The following SSC5D variants were observed in gnomAD, a reference collection of about 807,000 sequenced individuals.
The protein encoded by SSC5D is soluble scavenger receptor cysteine-rich domain-containing protein SSC5D.
Under a neutral mutation model 104.6 loss-of-function variants are expected in SSC5D, and 106 were observed. The ratio of observed to expected loss-of-function variants is 1.01; its 90% confidence interval spans 0.87 to 1.19. The LOEUF (loss-of-function observed/expected upper bound fraction) is 1.19. SSC5D is among the 50% of genes most tolerant of loss of function. The pLI is 0.00. For missense variants in SSC5D, 1,993 were observed against 2,153.8 expected, an observed-to-expected ratio of 0.93 and a Z score of 1.48; for synonymous variants, 860 against 883.5, an observed-to-expected ratio of 0.97 and a Z score of 0.47.
Position 55,517,350 on chromosome 19 carries a change from A to G in SSC5D, c.3074A>G (p.Asp1025Gly). The change falls in exon 14 of 14, where the codon GAC (aspartate) becomes GGC (glycine). Residue 1025 changes from aspartate to glycine, a missense_variant. By Grantham distance (94) the Asp-to-Gly change is moderately conservative. Transcript: ENST00000389623. The part of the protein sequence containing the change: ...PGPPGPALTS[D>G]SSRELTPHSA... ...CCCCCAGGCCCAGCGCTGACCTCTG[A>G]CTCCAGTCGAGAGCTCACTCCCCAC... 3.2e-6 allele frequency: 5 copies of G among 1,550,072 alleles called. No individual in the cohort carries two copies. Among genetic ancestry groups the G allele is most frequent in the Non-Finnish European group, 4.4e-6 (5 of 1,146,834 alleles).
chr19:55,499,417 C>T (rs1483432670), intron 9 of SSC5D, among the ~76,000 whole-genome samples: 1 of 152,136 alleles, frequency 6.6e-6, no homozygotes, highest in Non-Finnish European at 1.5e-5. Flanking sequence ...TCGGGAGTGG[C>T]CTGTCGGACC....
chr19:55,518,977 AC>A lies in SSC5D; in HGVS notation c.4705del (p.Leu1569Ter). On this transcript the variant is annotated frameshift_variant, in exon 14 of 14. Coordinates refer to ENST00000389623, the MANE Select transcript of SSC5D (RefSeq NM_001144950.2). LOFTEE classifies it high-confidence loss of function. ...TTTTPEEEER[P>X]LRGDV ...CCACTACCCCAGAGGAAGAAGAAAGACCCCTGAGGGGAGACGTGTGACCCTC... is the reference window on the plus strand; with the variant it reads ...CCACTACCCCAGAGGAAGAAGAAAGACCCTGAGGGGAGACGTGTGACCCTC... The A allele has an allele frequency of 6.5e-7, 1 of 1,549,934 alleles. No homozygotes were observed. The highest frequency in any genetic ancestry group is 8.7e-7 in the Non-Finnish European group (1 of 1,146,836).
At chr19:55,512,658 T>C (rs938439085) in intron 12 of SSC5D, among the ~76,000 whole-genome samples, 3 of 152,032 alleles carry the variant, frequency 2.0e-5, no homozygotes, top group Admixed American at 1.3e-4. Context: ...ATTTTTTGTA[T>C]ATTTAGTGCA....
intron 7 of SSC5D, 126 bp downstream of exon 7, chr19:55,494,038 C>G: frequency 1.1e-6 from 1 of 917,172 alleles, no homozygotes; most frequent in South Asian, 1.7e-5. Context: ...TTTCCACTCC[C>G]CCATCTTATT....
Position 55,488,453 on chromosome 19 carries a change from C to T in SSC5D, c.-137C>T. On this transcript the variant is annotated 5_prime_UTR_variant, in exon 1 of 14. Transcript: ENST00000389623. ...TCTTTCTTCCTCCTGGCAAAGCGTC[C>T]AGCCCTGCCTGCTCCTCCTCGGGCC... is the stretch of plus-strand genomic sequence containing the variant. The T allele has an allele frequency of 1.7e-6, 1 of 598,580 alleles. No individual in the cohort carries two copies. Among genetic ancestry groups the T allele is most frequent in the Non-Finnish European group, 2.9e-6 (1 of 348,706 alleles). The allele number at this position is 598,580 out of a possible 1,614,324, so 37.1% of individuals were successfully genotyped here. A position where few individuals can be genotyped will look rare whatever the true frequency, so the allele number is the denominator to read the frequency against.
In SSC5D at chr19:55,500,949, A is replaced by G; in HGVS notation, c.2618-85A>G. On this transcript the variant is annotated intron_variant, in intron 11 of 13. Coordinates refer to ENST00000389623, the MANE Select transcript of SSC5D (RefSeq NM_001144950.2). This position sits in a 1 kb window ranked among gnomAD's most constrained non-coding sequence, Gnocchi z 4.6. ...TGGGGAGATCCCAGAGTTGCTCCAG[A>G]AGATTCCAAAAGGGGAGGGAAGAGC... is the stretch of plus-strand genomic sequence containing the variant. 6.5e-7 allele frequency: 1 copy of G among 1,534,240 alleles called. No individual in the cohort carries two copies. The highest frequency in any genetic ancestry group is 8.8e-7 in the Non-Finnish European group (1 of 1,135,328).
chr19:55,512,811 T>G (rs774434227), intron 12 of SSC5D, among the ~76,000 whole-genome samples, 200 bp from the exon 13 acceptor site: 1 of 152,118 alleles, frequency 6.6e-6, no homozygotes, highest in Non-Finnish European at 1.5e-5. Flanking sequence ...TGTGCTAGTT[T>G]AGTGACCGTT....
At chr19:55,496,405 T>C (rs1380468798) in intron 8 of SSC5D, among the ~76,000 whole-genome samples, 1 of 152,196 alleles carries the variant, frequency 6.6e-6, no homozygotes, top group Non-Finnish European at 1.5e-5. Flanking sequence ...CTCCTCAAGA[T>C]GGGAAAAGGC....
intron 12 of SSC5D, among the ~76,000 whole-genome samples, chr19:55,507,328 A>G: frequency 7.3e-6 from 1 of 136,552 alleles, no homozygotes; most frequent in Non-Finnish European, 1.6e-5. Flanking sequence ...TGGATGAGTG[A>G]GACCCCGTCT....
At chr19:55,515,168 C>A (rs1488170404) in intron 13 of SSC5D, among the ~76,000 whole-genome samples, 3 of 151,606 alleles carry the variant, frequency 2.0e-5, no homozygotes, top group Non-Finnish European at 4.4e-5. Context: ...CTGAGGCAGG[C>A]AGATCACCTG....
rs1370079732 is a variant in SSC5D at position 55,489,508 on chromosome 19, C to T, written c.207C>T (p.Ala69=). 1 of 1,467,684 alleles carries T rather than the reference C, an allele frequency of 6.8e-7. No individual in the cohort carries two copies. The highest frequency in any genetic ancestry group is 2.5e-5 in the East Asian group (1 of 39,508). 90.9% of individuals were successfully genotyped at this position (1,467,684 alleles called of 1,614,324 possible). The change falls in exon 3 of 14, where the codon GCC becomes GCT. Residue 69 remains alanine (A), a synonymous_variant. Transcript: ENST00000389623. The part of the protein sequence containing the change: ...RQLGCGGALA[A]PGGAFFGEGA... ...TGGGCTGCGGAGGGGCACTGGCCGC[C>T]CCGGGAGGCGCCTTCTTCGGGGAGG...
chr19:55,488,487 T>G lies in SSC5D; in HGVS notation c.-103T>G. ...CTGCTCCTCCTCGGGCCTGGGCGCC[T>G]CCAGCAGGCACTTCCCTCCCTCCCT... On this transcript the variant is annotated 5_prime_UTR_variant, in exon 1 of 14. Transcript: ENST00000389623. 1 of 1,090,442 alleles carries G rather than the reference T, an allele frequency of 9.2e-7. No individual in the cohort carries two copies. Among genetic ancestry groups the G allele is most frequent in the Middle Eastern group, 2.2e-4 (1 of 4,546 alleles). 67.5% of individuals were successfully genotyped at this position (1,090,442 alleles called of 1,614,324 possible).
intron 8 of SSC5D, among the ~76,000 whole-genome samples, chr19:55,496,517 A>C (rs573069213): frequency 4.6e-5 from 7 of 152,152 alleles, no homozygotes; most frequent in African/African-American, 1.4e-4. Context: ...ACGAGCATGC[A>C]CTGGCTCCTG....
chr19:55,511,073 C>T (rs1163564079), intron 12 of SSC5D, among the ~76,000 whole-genome samples: 1 of 152,148 alleles, frequency 6.6e-6, no homozygotes, highest in Non-Finnish European at 1.5e-5. Context: ...GCCACCACAC[C>T]CGGCCATTAC....
rs1987015892 is a variant in SSC5D, at chr19:55,488,495, G to T, written c.-95G>T. On this transcript the variant is annotated 5_prime_UTR_variant, in exon 1 of 14. Transcript: ENST00000389623. Reference sequence around the variant, plus strand: ...CCTCGGGCCTGGGCGCCTCCAGCAGGCACTTCCCTCCCTCCCTCTCTCCCC... The same window carrying T: ...CCTCGGGCCTGGGCGCCTCCAGCAGTCACTTCCCTCCCTCCCTCTCTCCCC... The T allele has an allele frequency of 1.4e-5, 16 of 1,176,034 alleles. No homozygotes were observed. Among genetic ancestry groups the T allele is most frequent in the Non-Finnish European group, 2.0e-5 (16 of 817,798 alleles). 72.8% of individuals were successfully genotyped at this position (1,176,034 alleles called of 1,614,324 possible).
chr19:55,508,018 A>G (rs934930383), intron 12 of SSC5D, among the ~76,000 whole-genome samples: 3 of 151,992 alleles, frequency 2.0e-5, no homozygotes, highest in Non-Finnish European at 2.9e-5. Flanking sequence ...CAGTGAGGAG[A>G]GGGAGGCAGG....
intron 12 of SSC5D, among the ~76,000 whole-genome samples, chr19:55,507,665 CAAAAAA>C (rs61340967): frequency 1.4e-4 from 11 of 75,966 alleles, no homozygotes; most frequent in East Asian, 9.0e-4. Context: ...GACTCCGTCT[CAAAAAA>C]AAAAAAAAAA....
At chr19:55,505,296 T>C (rs1987615678) in intron 12 of SSC5D, among the ~76,000 whole-genome samples, 1 of 151,772 alleles carries the variant, frequency 6.6e-6, no homozygotes, top group Non-Finnish European at 1.5e-5. Flanking sequence ...TATTATTTCA[T>C]CAGCAGGCCA....
rs1599921675 is a variant in SSC5D, at chr19:55,500,914, G to A, written c.2617+110G>A. On this transcript the variant is annotated intron_variant, in intron 11 of 13. Transcript: ENST00000389623. The surrounding 1 kb of genome is among the most constrained non-coding windows in gnomAD (Gnocchi z 4.6). ...GTCGACTCTAAAGAACTGGGTATGA[G>A]GGGTCGGGGTGGGGAGATCCCAGAG... is the stretch of plus-strand genomic sequence containing the variant. The A allele has an allele frequency of 6.6e-7, 1 of 1,503,818 alleles. No homozygotes were observed. Among genetic ancestry groups the A allele is most frequent in the East Asian group, 2.5e-5 (1 of 40,706 alleles). 93.2% of individuals were successfully genotyped at this position (1,503,818 alleles called of 1,614,324 possible).
Sources: gnomAD v4.1 joint callset for allele counts (sites outside exome capture counted in the v4.1 genomes callset) on GRCh38, gnomAD v4.1.1 for gene constraint, Gnocchi (gnomAD v3.1) non-coding constraint, MANE v1.5 for transcripts, NCBI Gene and HGNC (gene_info 2026-07-23, HGNC 2026-07-21) for gene names.